Variants in OBSL1 observed in about 807,000 individuals in gnomAD.
The protein encoded by OBSL1 is obscurin-like protein 1.
A neutral mutation model predicts 172.0 loss-of-function variants in OBSL1; 160 were observed. The ratio of observed to expected loss-of-function variants is 0.93; its 90% confidence interval spans 0.82 to 1.06. The LOEUF is 1.06. OBSL1 is among the 50% of genes least tolerant of loss of function. The pLI, the probability that OBSL1 is intolerant of heterozygous loss-of-function variation, is 0.00. For synonymous variants in OBSL1, 1,200 were observed against 1,196.3 expected, an observed-to-expected ratio of 1.00 and a Z score of -0.06; for missense variants, 2,681 against 2,715.4, an observed-to-expected ratio of 0.99 and a Z score of 0.28.
rs942695206 is a variant in OBSL1 at position 219,561,760 on chromosome 2, C to T, written c.2953+642G>A. On this transcript the variant is annotated intron_variant, in intron 8 of 20. Coordinates refer to ENST00000404537, the MANE Select transcript of OBSL1 (RefSeq NM_015311.3). ...ATGTTTATTGGTTTAACACAGGGGTCGCAAACTCAAATGCCCACAGGGGCC... is the reference window on the plus strand; with the variant it reads ...ATGTTTATTGGTTTAACACAGGGGTTGCAAACTCAAATGCCCACAGGGGCC... 5.2e-5 allele frequency: 35 copies of T among 668,058 alleles called. No individual in the cohort carries two copies. The East Asian group carries it at 7.9e-4, about 15-fold the overall frequency. The allele number at this position is 668,058 out of a possible 1,614,324, so 41.4% of individuals were successfully genotyped here. A position where few individuals can be genotyped will look rare whatever the true frequency, so the allele number is the denominator to read the frequency against.
downstream of OBSL1, chr2:219,549,049 G>A: frequency 7.6e-7 from 1 of 1,319,322 alleles, no homozygotes. Flanking sequence ...ATGGACAAGA[G>A]GAATCTGGAA....
chr2:219,557,692 G>A (rs1395379333), intron 11 of OBSL1, 74 bp from the exon 12 acceptor site: 8 of 1,511,054 alleles, frequency 5.3e-6, no homozygotes, highest in African/African-American at 4.2e-5. Flanking sequence ...GAGGCATGAC[G>A]GGGAAGGTAC....
Position 219,552,146 on chromosome 2 carries a change from C to T in OBSL1, c.5379G>A (p.Gly1793=). ...CCAGTAGAGCCAGGGACTGGGCGGGCCCCGCCTGGAAGCGGACTTCACCGG... is the reference window on the plus strand; with the variant it reads ...CCAGTAGAGCCAGGGACTGGGCGGGTCCCGCCTGGAAGCGGACTTCACCGG... ...EDAGEVRFQA[G]PAQSLALLEV... Residue 1793 remains glycine (G), a synonymous_variant, in exon 19 of 21, where the codon GGG becomes GGA. Coordinates refer to ENST00000404537, the MANE Select transcript of OBSL1 (RefSeq NM_015311.3). 6.2e-7 allele frequency: 1 copy of T among 1,611,710 alleles called. No individual in the cohort carries two copies. The highest frequency in any genetic ancestry group is 8.5e-7 in the Non-Finnish European group (1 of 1,179,292).
rs1559156215 is a variant in OBSL1 at position 219,568,291 on chromosome 2, T to C, written c.1046A>G (p.Asp349Gly). Reference protein sequence around the residue: ...PRLRFTRPLQDVEGREHGIAV... With the variant: ...PRLRFTRPLQGVEGREHGIAV... ...AATCCCGTGCTCACGGCCCTCCACG[T>C]CCTGCAGGGGCCGTGTGAACCGGAG... is the stretch of plus-strand genomic sequence containing the variant. Residue 349 changes from aspartate to glycine, a missense_variant, in exon 2 of 21, where the codon GAC becomes GGC. Coordinates refer to ENST00000404537, the MANE Select transcript of OBSL1 (RefSeq NM_015311.3). This position sits in a 1 kb window ranked among gnomAD's most constrained non-coding sequence, Gnocchi z 4.1. The C allele has an allele frequency of 6.2e-7, 1 of 1,608,364 alleles. No homozygotes were observed. The highest frequency in any genetic ancestry group is 2.2e-5 in the East Asian group (1 of 44,738).
At chr2:219,552,842 C>T (rs1487663556) in intron 17 of OBSL1, 26 bp downstream of exon 17, 1 of 1,541,820 alleles carries the variant, frequency 6.5e-7, no homozygotes, top group Non-Finnish European at 8.7e-7. Context: ...AAGCAGTGCC[C>T]AGCCTCCACA....
At position 219,568,018 on chromosome 2, in the gene OBSL1, G is replaced by GCCT; in HGVS notation, c.1282+34_1282+36dup. The GCCT allele has an allele frequency of 6.2e-7, 1 of 1,609,030 alleles. No homozygotes were observed. The highest frequency in any genetic ancestry group is 8.5e-7 in the Non-Finnish European group (1 of 1,176,008). Reference sequence around the variant, plus strand: ...CAACCTGGAATCTGAGCACCTGCCTGCCTCCGCCTCAGCCTCTTCCCCACG... The same window carrying GCCT: ...CAACCTGGAATCTGAGCACCTGCCTGCCTCCTCCGCCTCAGCCTCTTCCCCACG... On this transcript the variant is annotated intron_variant, in intron 2 of 20. Transcript: ENST00000404537. This position sits in a 1 kb window ranked among gnomAD's most constrained non-coding sequence, Gnocchi z 4.1.
chr2:219,554,315 A>G (rs968859451), intron 15 of OBSL1, 159 bp downstream of exon 15: 63 of 898,404 alleles, frequency 7.0e-5, no homozygotes, highest in Admixed American at 1.3e-4. Context: ...CACAGGGCCT[A>G]TGAGTCAGGG....
chr2:219,553,257 A>G (rs1695765715), intron 16 of OBSL1, among the ~76,000 whole-genome samples: 1 of 152,176 alleles, frequency 6.6e-6, no homozygotes, highest in Non-Finnish European at 1.5e-5. Flanking sequence ...GCACTCGGGA[A>G]GCCCAGAGCC....
At position 219,556,008 on chromosome 2, in the gene OBSL1, C is replaced by T. The variant is rs367810594; in HGVS notation, c.4609+12G>A. The T allele has an allele frequency of 2.8e-5, 45 of 1,612,576 alleles. No homozygotes were observed. Among genetic ancestry groups the T allele is most frequent in the Middle Eastern group, 3.3e-4 (2 of 6,060 alleles). On this transcript the variant is annotated intron_variant, in intron 14 of 20. Coordinates refer to ENST00000404537, the MANE Select transcript of OBSL1 (RefSeq NM_015311.3). ...GGGTGGGTAATGCATTAAGAGAGGACGGGGCACTCACGCCTCACGCTGAGC... is the reference window on the plus strand; with the variant it reads ...GGGTGGGTAATGCATTAAGAGAGGATGGGGCACTCACGCCTCACGCTGAGC...
chr2:219,552,434 G>A (rs1695691638), intron 18 of OBSL1, 102 bp downstream of exon 18: 18 of 1,244,154 alleles, frequency 1.4e-5, no homozygotes, highest in Non-Finnish European at 1.9e-5. Flanking sequence ...CGTGGGGCGG[G>A]GCCCGTCGGA....
At position 219,556,075 on chromosome 2, in the gene OBSL1, G is replaced by A; in HGVS notation, c.4554C>T (p.Gly1518=). Residue 1518 remains glycine, a synonymous_variant, in exon 14 of 21, where the codon GGC becomes GGT. Transcript: ENST00000404537. ...CGTGGTGGCTCTCGCAGCCGTAGGT[G>A]CCCTGGTCGGCCAGTATGACACCAT... ...FIHGVILADQ[G]TYGCESHHDR... is the part of the protein sequence containing the mutation. 6.2e-7 allele frequency: 1 copy of A among 1,613,852 alleles called. No individual in the cohort carries two copies. The highest frequency in any genetic ancestry group is 8.5e-7 in the Non-Finnish European group (1 of 1,179,892).
At position 219,556,120 on chromosome 2, in the gene OBSL1, G is replaced by A. The variant is rs769419767; in HGVS notation, c.4509C>T (p.His1503=). The change falls in exon 14 of 21, where the codon CAC becomes CAT. Residue 1503 remains histidine, a synonymous_variant. Transcript: ENST00000404537. ...DSRLSMAQDG[H]IHRLFIHGVI... The stretch of plus-strand genomic sequence containing the variant: ...CACCATGGATGAAGAGGCGGTGGAT[G>A]TGCCCATCCTGGGCCATGGACAGGC... The A allele has an allele frequency of 5.6e-6, 9 of 1,613,838 alleles. No homozygotes were observed. The highest frequency in any genetic ancestry group is 5.9e-6 in the Non-Finnish European group (7 of 1,179,906).
chr2:219,570,310 T>C lies in OBSL1; in HGVS notation c.923A>G (p.Tyr308Cys), dbSNP rs1353603496. Residue 308 changes from tyrosine (Y) to cysteine (C), a missense_variant, in exon 1 of 21, where the codon TAC becomes TGC. Around this residue, in one of 5 missense-constraint regions of OBSL1, gnomAD observed 706 missense variants for 695.8 expected, o/e 1.01. Coordinates refer to ENST00000404537, the MANE Select transcript of OBSL1 (RefSeq NM_015311.3). Reference protein sequence around the residue: ...RDGGFVLKVLYCQAKDRGLYV... With the variant: ...RDGGFVLKVLCCQAKDRGLYV... ...GAGCCCACGATCCTTGGCCTGGCAGTAAAGCACCTTGAGCACGAAGCCGCC... is the reference window on the plus strand; with the variant it reads ...GAGCCCACGATCCTTGGCCTGGCAGCAAAGCACCTTGAGCACGAAGCCGCC... The C allele has an allele frequency of 6.2e-7, 1 of 1,611,554 alleles. No individual in the cohort carries two copies. Among genetic ancestry groups the C allele is most frequent in the East Asian group, 2.2e-5 (1 of 44,786 alleles).
rs368895697 is a variant in OBSL1, at chr2:219,563,440, C to T, written c.2595G>A (p.Val865=). The T allele has an allele frequency of 1.0e-4, 161 of 1,613,646 alleles. No individual in the cohort carries two copies. The highest frequency in any genetic ancestry group is 3.1e-4 in the African/African-American group (23 of 75,032). ...LENEGPHRRL[V]LPATQPSDGG... is the part of the protein sequence containing the mutation. ...CGTCTGAGGGCTGGGTGGCGGGCAG[C>T]ACCAGGCGGCGATGGGGCCCCTCAT... is the stretch of plus-strand genomic sequence containing the variant. The change falls in exon 7 of 21, where the codon GTG becomes GTA. Residue 865 remains valine (V), a synonymous_variant. Transcript: ENST00000404537.
In OBSL1 at chr2:219,560,609, T is replaced by G. The variant is rs1441058601; in HGVS notation, c.2954-1112A>C. Among the ~76,000 whole-genome samples, 5 of 142,722 alleles carry G rather than the reference T, an allele frequency of 3.5e-5. No homozygotes were observed. The East Asian group carries it at 7.2e-4, about 21-fold the overall frequency. The allele number at this position is 142,722 out of a possible 152,430, so 93.6% of individuals were successfully genotyped here. On this transcript the variant is annotated intron_variant, in intron 8 of 20. Transcript: ENST00000404537. ...CTAGCTTCCCAATCAGGGGCCAGGG[T>G]TGGGGGGGTGGGGGCTGGGGGTGGT...
At chr2:219,560,111 C>G (rs1696353337) in intron 8 of OBSL1, among the ~76,000 whole-genome samples, 1 of 152,202 alleles carries the variant, frequency 6.6e-6, no homozygotes, top group African/African-American at 2.4e-5. Flanking sequence ...GTCCCAAGCA[C>G]TTGAAACATT....
intron 7 of OBSL1, chr2:219,562,985 G>A (rs1485901097): frequency 8.2e-6 from 4 of 489,070 alleles, no homozygotes; most frequent in Non-Finnish European, 1.4e-5. Context: ...CTGATGAGAG[G>A]AGGGTTGGGG....
Position 219,567,787 on chromosome 2 carries a change from G to C in OBSL1, c.1465C>G (p.Arg489Gly), listed in dbSNP as rs121918216. The C allele has an allele frequency of 6.2e-7, 1 of 1,613,908 alleles. No homozygotes were observed. Among genetic ancestry groups the C allele is most frequent in the African/African-American group, 1.3e-5 (1 of 75,050 alleles). The part of the protein sequence containing the change: ...MHALVLPGVT[R>G]EDAGEVTFSL... ...AAGGTGACCTCGCCAGCATCCTCTC[G>C]GGTGACCCCTGGAAGGACCAGGGCA... Residue 489 changes from arginine to glycine, a missense_variant, in exon 3 of 21, where the codon CGA becomes GGA. By Grantham distance (125) the Arg-to-Gly change is moderately radical. This residue lies in a region of OBSL1 where 706 missense variants were observed against 695.8 expected (regional missense o/e 1.01). Transcript: ENST00000404537.
downstream of OBSL1, chr2:219,550,379 C>T (rs1695537294): frequency 1.5e-5 from 3 of 200,292 alleles, no homozygotes; most frequent in Admixed American, 1.6e-4. Context: ...CCCCTGGCCT[C>T]TGTAAAGCCA....
Sources: gnomAD v4.1 joint callset for allele counts (sites outside exome capture counted in the v4.1 genomes callset) on GRCh38, gnomAD v4.1.1 for gene constraint, gnomAD v4.1.1 regional missense constraint, Gnocchi (gnomAD v3.1) non-coding constraint, MANE v1.5 for transcripts, NCBI Gene and HGNC (gene_info 2026-07-23, HGNC 2026-07-21) for gene names.